SIN3B: variants seen among roughly 807,000 people sequenced by gnomAD.
SIN3B encodes the protein SIN3 transcription regulator family member B.
SIN3B carries 19 observed loss-of-function variants against 120.2 expected under a neutral mutation model. The ratio of observed to expected loss-of-function variants is 0.16; its 90% confidence interval spans 0.11 to 0.23. SIN3B has a LOEUF of 0.23. SIN3B is among the 10% of genes least tolerant of loss of function. The pLI is 1.00. For synonymous variants in SIN3B, 654 were observed against 653.2 expected (o/e 1.00, Z -0.02); for missense variants, 1,073 against 1,573.0 (o/e 0.68, Z 5.38).
At chr19:16,858,364 C>T (rs892557551) in intron 8 of SIN3B, among the ~76,000 whole-genome samples, 11 of 152,162 alleles carry the variant, frequency 7.2e-5, no homozygotes, top group Non-Finnish European at 1.5e-4. Flanking sequence ...CAGCATTTCT[C>T]ACCTTTTATA....
At chr19:16,829,594 C>T in intron 1 of SIN3B, 54 bp downstream of exon 1, 1 of 1,254,442 alleles carries the variant, frequency 8.0e-7, no homozygotes, top group Non-Finnish European at 1.0e-6. Context: ...ACCCCGCGGG[C>T]GGGCGCCCCT....
intron 14 of SIN3B, 176 bp from the exon 15 acceptor site, chr19:16,875,879 G>T (rs1293434713): frequency 6.9e-6 from 5 of 725,262 alleles, no homozygotes; most frequent in African/African-American, 3.6e-5. Context: ...GTCTGGTCTG[G>T]TCTGGTCTGT....
Position 16,870,089 on chromosome 19 carries a change from GC to G in SIN3B, c.2422+16del, listed in dbSNP as rs756277857. Reference sequence around the variant, plus strand: ...TGAAGCAGCCCAGTAAGGCTCCAAAGCCTGCCGGGAGGCCCCGGGGGGTGCC... The same window carrying G: ...TGAAGCAGCCCAGTAAGGCTCCAAAGCTGCCGGGAGGCCCCGGGGGGTGCC... On this transcript the variant is annotated intron_variant, in intron 13 of 18. Coordinates refer to ENST00000248054, the MANE Select transcript of SIN3B (RefSeq NM_001297595.2). The G allele has an allele frequency of 1.3e-6, 2 of 1,565,068 alleles. No homozygotes were observed. The highest frequency in any genetic ancestry group is 1.1e-5 in the South Asian group (1 of 87,040).
Position 16,878,779 on chromosome 19 carries a change from C to T in SIN3B, c.*52C>T, listed in dbSNP as rs372414217. 2.4e-4 allele frequency: 351 copies of T among 1,465,260 alleles called. 2 individuals carry two copies. The highest frequency in any genetic ancestry group is 3.1e-4 in the Non-Finnish European group (333 of 1,088,796). 90.8% of individuals were successfully genotyped at this position (1,465,260 alleles called of 1,614,324 possible). ...GCCTCACAGAGCACAGACGTGCCCTCGGCCTTGGTCGTGTCGGGGCCGTTT... is the reference window on the plus strand; with the variant it reads ...GCCTCACAGAGCACAGACGTGCCCTTGGCCTTGGTCGTGTCGGGGCCGTTT... On this transcript the variant is annotated 3_prime_UTR_variant, in exon 19 of 19. Coordinates refer to ENST00000248054, the MANE Select transcript of SIN3B (RefSeq NM_001297595.2).
chr19:16,852,554 ATTC>A (rs1476377117), intron 6 of SIN3B, among the ~76,000 whole-genome samples: 1 of 152,170 alleles, frequency 6.6e-6, no homozygotes, highest in East Asian at 1.9e-4. Context: ...GCTCATCCTC[ATTC>A]TTCAGGCACT....
At chr19:16,873,415 G>A (rs2051538130) in intron 14 of SIN3B, among the ~76,000 whole-genome samples, 1 of 152,126 alleles carries the variant, frequency 6.6e-6, no homozygotes, top group African/African-American at 2.4e-5. Context: ...CACTCCCCAG[G>A]TGAGGGAAAC....
chr19:16,870,142 C>T (rs545545799), intron 13 of SIN3B, 67 bp downstream of exon 13: 61 of 1,353,888 alleles, frequency 4.5e-5, no homozygotes, highest in Non-Finnish European at 6.0e-5. Flanking sequence ...AGCTCATGAT[C>T]TGACATGTCC....
intron 14 of SIN3B, among the ~76,000 whole-genome samples, chr19:16,874,561 A>G (rs1324965236): frequency 3.3e-4 from 30 of 90,398 alleles, no homozygotes; most frequent in African/African-American, 5.0e-4. Flanking sequence ...TTTGGTTTTG[A>G]TTTGGTCTGA....
At chr19:16,855,146 G>A (rs904992128) in intron 8 of SIN3B, 4 of 152,138 alleles carry the variant, frequency 2.6e-5, no homozygotes, top group Non-Finnish European at 5.9e-5. Flanking sequence ...CGTCTGGTGT[G>A]TGTGTTTTTA....
rs765693823 is a variant in SIN3B at position 16,878,559 on chromosome 19, G to A, written c.3225G>A (p.Leu1075=). 1.2e-6 allele frequency: 2 copies of A among 1,607,872 alleles called. No homozygotes were observed. Among genetic ancestry groups the A allele is most frequent in the African/African-American group, 1.3e-5 (1 of 74,818 alleles). Residue 1075 remains leucine, a synonymous_variant, in exon 19 of 19, where the codon CTG becomes CTA. Coordinates refer to ENST00000248054, the MANE Select transcript of SIN3B (RefSeq NM_001297595.2). ...QHFEEWHSRW[L]EDNVTVEAAS... The stretch of plus-strand genomic sequence containing the variant: ...TTGAGGAGTGGCACAGCCGCTGGCT[G>A]GAGGACAATGTGACGGTGGAGGCGG...
In SIN3B at chr19:16,865,518, G is replaced by A. The variant is rs774283092; in HGVS notation, c.1492G>A (p.Asp498Asn). The change falls in exon 11 of 19, where the codon GAC (aspartate) becomes AAC (asparagine). Residue 498 changes from aspartate to asparagine, a missense_variant. By Grantham distance (23) the Asp-to-Asn change is conservative. This residue lies in a region of SIN3B where 118 missense variants were observed against 281.6 expected (regional missense o/e 0.42). Transcript: ENST00000248054. ...AGACCAGGAGAAGTTCCGGCTGGAC[G>A]ACTCCCTGGGAGGCACGTCGGAGGT... Reference protein sequence around the residue: ...PEDQEKFRLDDSLGGTSEVIQ... With the variant: ...PEDQEKFRLDNSLGGTSEVIQ... The A allele has an allele frequency of 8.1e-6, 13 of 1,613,722 alleles. 1 individual carries two copies. The highest frequency in any genetic ancestry group is 3.3e-5 in the Admixed American group (2 of 59,998).
At chr19:16,852,085 C>G (rs1269819415) in intron 6 of SIN3B, among the ~76,000 whole-genome samples, 2 of 152,188 alleles carry the variant, frequency 1.3e-5, no homozygotes, top group African/African-American at 2.4e-5. Flanking sequence ...GATGTCCATA[C>G]TGTTCCAGAT....
chr19:16,854,292 G>A (rs773127922), intron 8 of SIN3B, 31 bp downstream of exon 8: 3 of 1,467,440 alleles, frequency 2.0e-6, no homozygotes, highest in Middle Eastern at 1.8e-4. Context: ...GGCTCCCTAG[G>A]GGGGTTCTGT....
At position 16,862,927 on chromosome 19, in the gene SIN3B, A is replaced by T. The variant is rs763576604; in HGVS notation, c.1266+368A>T. Reference sequence around the variant, plus strand: ...CTCCAGGGTTCGTGGACAGACGATTACTGCATGTCCAAGTTCAAGAATACC... The same window carrying T: ...CTCCAGGGTTCGTGGACAGACGATTTCTGCATGTCCAAGTTCAAGAATACC... On this transcript the variant is annotated intron_variant, in intron 9 of 18. Coordinates refer to ENST00000248054, the MANE Select transcript of SIN3B (RefSeq NM_001297595.2). The surrounding 1 kb of genome is among the most constrained non-coding windows in gnomAD (Gnocchi z 4.7). 1 of 1,614,236 alleles carries T rather than the reference A, an allele frequency of 6.2e-7. No homozygotes were observed. Among genetic ancestry groups the T allele is most frequent in the South Asian group, 1.1e-5 (1 of 91,086 alleles).
intron 6 of SIN3B, among the ~76,000 whole-genome samples, chr19:16,852,215 C>T (rs1568417626): frequency 1.3e-5 from 2 of 152,106 alleles, no homozygotes; most frequent in Non-Finnish European, 2.9e-5. Flanking sequence ...CAAGCTCCGC[C>T]TCCCGGGTTC....
At position 16,829,443 on chromosome 19, in the gene SIN3B, G is replaced by T. The variant is rs937189956; in HGVS notation, c.23G>T (p.Ser8Ile). 4 of 1,211,678 alleles carry T rather than the reference G, an allele frequency of 3.3e-6. No homozygotes were observed. Among genetic ancestry groups the T allele is most frequent in the Admixed American group, 8.7e-5 (2 of 22,964 alleles). The allele number at this position is 1,211,678 out of a possible 1,614,324, so 75.1% of individuals were successfully genotyped here. Residue 8 changes from serine (S) to isoleucine (I), a missense_variant, in exon 1 of 19, where the codon AGC becomes ATC. Physicochemically the swap from Ser to Ile is moderately radical, Grantham distance 142. Around this residue, in one of 7 missense-constraint regions of SIN3B, gnomAD observed 395 missense variants for 528.0 expected, o/e 0.75. Coordinates refer to ENST00000248054, the MANE Select transcript of SIN3B (RefSeq NM_001297595.2). MAHAGGG[S>I]GGSGAGGPAG... ...GACATGGCGCACGCTGGCGGTGGCA[G>T]CGGTGGCAGCGGTGCCGGCGGCCCC...
At chr19:16,834,626 G>T (rs1161802394) in intron 3 of SIN3B, among the ~76,000 whole-genome samples, 1 of 152,180 alleles carries the variant, frequency 6.6e-6, no homozygotes, top group Non-Finnish European at 1.5e-5. Flanking sequence ...CCAGGCTTAG[G>T]TGTAGAAGTT....
At chr19:16,840,582 A>C (rs1384650449) in intron 3 of SIN3B, among the ~76,000 whole-genome samples, 3 of 152,250 alleles carry the variant, frequency 2.0e-5, no homozygotes, top group African/African-American at 7.2e-5. Context: ...CTGTTTCAGT[A>C]CAAGACGGTA....
Position 16,876,826 on chromosome 19 carries a change from G to A in SIN3B, c.2859+248G>A, listed in dbSNP as rs1187191693. 1 of 445,452 alleles carries A rather than the reference G, an allele frequency of 2.2e-6. No individual in the cohort carries two copies. The highest frequency in any genetic ancestry group is 4.0e-6 in the Non-Finnish European group (1 of 248,558). The allele number at this position is 445,452 out of a possible 1,614,324, so 27.6% of individuals were successfully genotyped here. On this transcript the variant is annotated intron_variant, in intron 16 of 18. Coordinates refer to ENST00000248054, the MANE Select transcript of SIN3B (RefSeq NM_001297595.2). This position sits in a 1 kb window ranked among gnomAD's most constrained non-coding sequence, Gnocchi z 7.1. ...GAGCAAGCGGTTGTGTCCCAGGGCA[G>A]GAGGGGAACCAAGCCACCTCTCCCT...
Sources: allele counts gnomAD v4.1 joint callset (sites outside exome capture counted in the v4.1 genomes callset), GRCh38; gene constraint gnomAD v4.1.1; regional missense constraint gnomAD v4.1.1; non-coding constraint Gnocchi (gnomAD v3.1); transcripts MANE v1.5; gene names NCBI Gene and HGNC (gene_info 2026-07-23, HGNC 2026-07-21).